STAT3: variants seen among roughly 807,000 people sequenced by gnomAD.
STAT3 encodes the protein signal transducer and activator of transcription 3, also known as DNA-binding protein APRF.
Under a neutral mutation model 114.3 loss-of-function variants are expected in STAT3, and 7 were observed. That is an observed-to-expected ratio of 0.06 (90% confidence interval 0.03 to 0.11). STAT3 has a LOEUF of 0.11. Among genes scored for constraint, STAT3 ranks in the 10% least tolerant of loss-of-function variants. STAT3 has a pLI of 1.00. For missense variants in STAT3, 364 were observed against 960.9 expected, an observed-to-expected ratio of 0.38 and a Z score of 8.21; for synonymous variants, 331 against 354.5, an observed-to-expected ratio of 0.93 and a Z score of 0.74.
In STAT3 at chr17:42,337,888, A is replaced by G. The variant is rs1461880269; in HGVS notation, c.551-31T>C. The G allele has an allele frequency of 6.5e-7, 1 of 1,529,444 alleles. No individual in the cohort carries two copies. 94.7% of individuals were successfully genotyped at this position (1,529,444 alleles called of 1,614,324 possible). The stretch of plus-strand genomic sequence containing the variant: ...AAGGAAGAAAAAACTCCTTGACCTG[A>G]GGGAATACTCCTTGACCTGAGGGAA... On this transcript the variant is annotated intron_variant, in intron 6 of 23. Transcript: ENST00000264657. This position sits in a 1 kb window ranked among gnomAD's most constrained non-coding sequence, Gnocchi z 4.0.
chr17:42,313,379 CAAAAAAAAA>C lies in STAT3; in HGVS notation c.*2357_*2365del, dbSNP rs397857989. The C allele has an allele frequency of 5.8e-5, 5 of 86,332 alleles. No individual in the cohort carries two copies. The highest frequency in any genetic ancestry group is 1.6e-4 in the Admixed American group (1 of 6,370). 5.3% of individuals were successfully genotyped at this position (86,332 alleles called of 1,614,324 possible). ...AGTTAAAGTAGATACAGCAATATAC[CAAAAAAAAA>C]AAAAAAAAAAAAAGACAAAAAACCT... is the stretch of plus-strand genomic sequence containing the variant. On this transcript the variant is annotated 3_prime_UTR_variant, in exon 24 of 24. Transcript: ENST00000264657.
chr17:42,337,865 G>A lies in STAT3; in HGVS notation c.551-8C>T, dbSNP rs1471241406. On this transcript the variant is annotated splice_polypyrimidine_tract_variant and splice_region_variant and intron_variant, in intron 6 of 23. Transcript: ENST00000264657. This position sits in a 1 kb window ranked among gnomAD's most constrained non-coding sequence, Gnocchi z 4.0. ...CATTCAGATCTTGCATGTCTGCGAA[G>A]GAAGAAAAAACTCCTTGACCTGAGG... 6.2e-7 allele frequency: 1 copy of A among 1,613,894 alleles called. No homozygotes were observed. Among genetic ancestry groups the A allele is most frequent in the Non-Finnish European group, 8.5e-7 (1 of 1,179,954 alleles).
intron 1 of STAT3, among the ~76,000 whole-genome samples, chr17:42,380,225 C>T (rs1333399417): frequency 2.0e-5 from 3 of 151,500 alleles, no homozygotes; most frequent in South Asian, 2.1e-4. Context: ...TTAGTAGAGA[C>T]GGGGTCTCAC....
In STAT3 at chr17:42,321,106, TTC is replaced by T. The variant is rs941853085; in HGVS notation, c.2101+1174_2101+1175del. Among the ~76,000 whole-genome samples, 624 of 148,246 alleles carry T rather than the reference TTC, an allele frequency of 4.2e-3. 6 individuals are homozygous for T. Among genetic ancestry groups the T allele is most frequent in the African/African-American group, 0.014 (553 of 39,718 alleles). ...CAGCTGAGATTACAGTATTTTTAAT[TTC>T]TCTCTCTTTTTTTTTTTTTTTTTTT... is the stretch of plus-strand genomic sequence containing the variant. On this transcript the variant is annotated intron_variant, in intron 21 of 23. Coordinates refer to ENST00000264657, the MANE Select transcript of STAT3 (RefSeq NM_139276.3).
At chr17:42,316,384 C>T (rs992419896) in intron 23 of STAT3, 34 of 368,174 alleles carry the variant, frequency 9.2e-5, no homozygotes, top group African/African-American at 2.1e-4. Flanking sequence ...TACAGGTATG[C>T]GCCACCATGC....
chr17:42,336,695 G>A lies in STAT3; in HGVS notation c.797+740C>T, dbSNP rs896194736. ...GTATATACATAATGACAGATGTCTAGATTGAGCATCAACTAAATTTTAACT... is the reference window on the plus strand; with the variant it reads ...GTATATACATAATGACAGATGTCTAAATTGAGCATCAACTAAATTTTAACT... On this transcript the variant is annotated intron_variant, in intron 8 of 23. Coordinates refer to ENST00000264657, the MANE Select transcript of STAT3 (RefSeq NM_139276.3). Among the ~76,000 whole-genome samples the A allele has an allele frequency of 2.7e-5, 4 of 149,568 alleles. No individual in the cohort carries two copies. The East Asian group carries it at 5.8e-4, about 22-fold the overall frequency.
chr17:42,368,868 T>C (rs998991620), intron 1 of STAT3, among the ~76,000 whole-genome samples: 2 of 151,938 alleles, frequency 1.3e-5, no homozygotes, highest in Non-Finnish European at 2.9e-5. Context: ...CAATACCCAA[T>C]AGTTATCTTT....
chr17:42,355,969 G>C (rs934615460), intron 1 of STAT3, among the ~76,000 whole-genome samples: 3 of 152,162 alleles, frequency 2.0e-5, no homozygotes, highest in African/African-American at 2.4e-5. Context: ...GATAACTTCT[G>C]TTCCACTTTG....
intron 1 of STAT3, among the ~76,000 whole-genome samples, chr17:42,353,358 A>AG (rs1555571905): frequency 4.1e-5 from 6 of 147,176 alleles, no homozygotes; most frequent in African/African-American, 7.5e-5. Flanking sequence ...AAAAAAAAAA[A>AG]AAAGAAAGAA....
chr17:42,335,129 CTT>C (rs367729820), intron 8 of STAT3, among the ~76,000 whole-genome samples: 24 of 144,610 alleles, frequency 1.7e-4, no homozygotes, highest in East Asian at 2.0e-4. Context: ...TTCTTTCTTT[CTT>C]TTTTTTTTTT....
intron 1 of STAT3, among the ~76,000 whole-genome samples, chr17:42,375,731 A>G (rs1235258117): frequency 6.6e-6 from 1 of 152,016 alleles, no homozygotes; most frequent in Non-Finnish European, 1.5e-5. Context: ...CGGGAGGCTT[A>G]GGCAAGAGAA....
chr17:42,358,603 G>A (rs890793166), intron 1 of STAT3, among the ~76,000 whole-genome samples: 5 of 152,080 alleles, frequency 3.3e-5, no homozygotes, highest in African/African-American at 1.2e-4. Flanking sequence ...TCCCCACTTG[G>A]GAACACTTCC....
chr17:42,353,256 G>A (rs945001531), intron 1 of STAT3, among the ~76,000 whole-genome samples: 7 of 151,676 alleles, frequency 4.6e-5, no homozygotes, highest in Non-Finnish European at 8.8e-5. Flanking sequence ...GCTGAGGCAG[G>A]AGAATTGCTT....
chr17:42,323,572 C>G lies in STAT3; in HGVS notation c.1653+1G>C. 6.2e-7 allele frequency: 1 copy of G among 1,614,172 alleles called. No individual in the cohort carries two copies. The highest frequency in any genetic ancestry group is 8.5e-7 in the Non-Finnish European group (1 of 1,180,010). ...CACGAGAATTTAACAAGATTGCTTACTTTGCAAAATTTAGCCCATGTGATC... is the reference window on the plus strand; with the variant it reads ...CACGAGAATTTAACAAGATTGCTTAGTTTGCAAAATTTAGCCCATGTGATC... On this transcript the variant is annotated splice_donor_variant, in intron 18 of 23. Coordinates refer to ENST00000264657, the MANE Select transcript of STAT3 (RefSeq NM_139276.3). LOFTEE classifies it high-confidence loss of function.
rs1567721373 is a variant in STAT3, at chr17:42,337,327, A to G, written c.797+108T>C. On this transcript the variant is annotated intron_variant, in intron 8 of 23. Coordinates refer to ENST00000264657, the MANE Select transcript of STAT3 (RefSeq NM_139276.3). The surrounding 1 kb of genome is among the most constrained non-coding windows in gnomAD (Gnocchi z 4.0). The stretch of plus-strand genomic sequence containing the variant: ...ATTCTTGGGCTAAATTTGAATATGG[A>G]AAAGTCCCCACGTTGGAGATATAGT... The G allele has an allele frequency of 6.8e-7, 1 of 1,478,492 alleles. No homozygotes were observed. The highest frequency in any genetic ancestry group is 2.3e-5 in the East Asian group (1 of 43,536). 91.6% of individuals were successfully genotyped at this position (1,478,492 alleles called of 1,614,324 possible). A position where few individuals can be genotyped will look rare whatever the true frequency, so the allele number is the denominator to read the frequency against.
rs1443980871 is a variant in STAT3, at chr17:42,315,376, G to A, written c.*369C>T. On this transcript the variant is annotated 3_prime_UTR_variant, in exon 24 of 24. Coordinates refer to ENST00000264657, the MANE Select transcript of STAT3 (RefSeq NM_139276.3). The stretch of plus-strand genomic sequence containing the variant: ...GGCAGAAGGATGCCGCAGGCACCAG[G>A]AGGCACTTGTCTAAGAACAACAACA... The A allele has an allele frequency of 2.3e-6, 1 of 442,592 alleles. No individual in the cohort carries two copies. The highest frequency in any genetic ancestry group is 2.0e-5 in the African/African-American group (1 of 50,962). The allele number at this position is 442,592 out of a possible 1,614,324, so 27.4% of individuals were successfully genotyped here.
chr17:42,334,439 C>CTTTTTTTTTTTTTTTTTTTTTT (rs56055491), intron 8 of STAT3, among the ~76,000 whole-genome samples: 1 of 70,200 alleles, frequency 1.4e-5, no homozygotes, highest in African/African-American at 4.8e-5. Flanking sequence ...TGCGCCTGGC[C>CTTTTTTTTTTTTTTTTTTTTTT]TTTTTTTTTT....
intron 1 of STAT3, among the ~76,000 whole-genome samples, chr17:42,384,497 G>T (rs1480673959): frequency 1.3e-5 from 2 of 151,776 alleles, no homozygotes; most frequent in Middle Eastern, 3.4e-3. Flanking sequence ...TGTATTCAAT[G>T]TCTTTTGTAA....
rs746896356 is a variant in STAT3 at position 42,322,421 on chromosome 17, G to A, written c.1962C>T (p.Ile654=). 1 of 1,614,222 alleles carries A rather than the reference G, an allele frequency of 6.2e-7. No homozygotes were observed. The highest frequency in any genetic ancestry group is 8.5e-7 in the Non-Finnish European group (1 of 1,180,034). ...QLNNMSFAEI[I]MGYKIMDATN... ...TAGCATCCATGATCTTATAGCCCAT[G>A]ATGATTTCAGCAAATGACATGTTGT... The change falls in exon 21 of 24, where the codon ATC becomes ATT. Residue 654 remains isoleucine (I), a synonymous_variant. Transcript: ENST00000264657.
Sources: allele counts gnomAD v4.1 joint callset (sites outside exome capture counted in the v4.1 genomes callset), GRCh38; gene constraint gnomAD v4.1.1; non-coding constraint Gnocchi (gnomAD v3.1); transcripts MANE v1.5; gene names NCBI Gene and HGNC (gene_info 2026-07-23, HGNC 2026-07-21).